The following RGS7BP variants were observed in gnomAD, a reference collection of about 807,000 sequenced individuals.
RGS7BP encodes the protein regulator of G protein signaling 7 binding protein, also known as regulator of G protein signaling 7-binding protein.
Under a neutral mutation model 31.3 loss-of-function variants are expected in RGS7BP, and 9 were observed. The observed-to-expected ratio is 0.29, with a 90% CI of 0.17 to 0.50. The LOEUF (loss-of-function observed/expected upper bound fraction) is 0.50, where lower values mean the gene tolerates loss of function less well. RGS7BP is among the 20% of genes least tolerant of loss of function. RGS7BP has a pLI of 0.98. For missense variants in RGS7BP, 274 were observed against 322.0 expected (o/e 0.85, Z 1.14); for synonymous variants, 115 against 120.1 (o/e 0.96, Z 0.28).
At chr5:64,550,826 CG>C (rs1741776961) in intron 2 of RGS7BP, among the ~76,000 whole-genome samples, 1 of 147,976 alleles carries the variant, frequency 6.8e-6, no homozygotes, top group African/African-American at 2.5e-5. Context: ...TGAGAACATG[CG>C]GTGTTTGGTT....
At chr5:64,608,239 C>T (rs1219827774) in intron 5 of RGS7BP, among the ~76,000 whole-genome samples, 1 of 152,020 alleles carries the variant, frequency 6.6e-6, no homozygotes, top group African/African-American at 2.4e-5. Flanking sequence ...CTCTGGGACC[C>T]ACATTGACAA....
chr5:64,537,840 T>G (rs985933846), intron 2 of RGS7BP, among the ~76,000 whole-genome samples: 4 of 152,192 alleles, frequency 2.6e-5, no homozygotes, highest in African/African-American at 9.6e-5. Flanking sequence ...ATTATGCTAT[T>G]CAAAGCCTGA....
intron 2 of RGS7BP, among the ~76,000 whole-genome samples, chr5:64,571,173 A>G (rs1201808639): frequency 1.3e-5 from 2 of 152,094 alleles, no homozygotes; most frequent in Admixed American, 1.3e-4. Context: ...GAAATCATAC[A>G]GTATTTATTC....
intron 2 of RGS7BP, among the ~76,000 whole-genome samples, chr5:64,560,200 T>G (rs1742019791): frequency 6.6e-6 from 1 of 152,186 alleles, no homozygotes; most frequent in Non-Finnish European, 1.5e-5. Context: ...CAATTTTGTT[T>G]TAATGTGTTT....
chr5:64,603,033 A>G (rs1475134037), intron 5 of RGS7BP, among the ~76,000 whole-genome samples: 2 of 152,188 alleles, frequency 1.3e-5, no homozygotes, highest in Non-Finnish European at 2.9e-5. Flanking sequence ...GAAAGTCTCT[A>G]GACAAAAGGC....
intron 2 of RGS7BP, among the ~76,000 whole-genome samples, chr5:64,536,695 G>A (rs913931456): frequency 6.6e-6 from 1 of 152,184 alleles, no homozygotes; most frequent in Non-Finnish European, 1.5e-5. Flanking sequence ...ATTGACTAAT[G>A]CCTTGTTTAG....
chr5:64,573,032 T>C (rs990843533), intron 2 of RGS7BP, among the ~76,000 whole-genome samples: 7 of 137,984 alleles, frequency 5.1e-5, no homozygotes, highest in African/African-American at 1.9e-4. Flanking sequence ...TGTTTTCTCA[T>C]TGTTCAATTC....
chr5:64,532,931 C>A (rs1373801373), intron 2 of RGS7BP, among the ~76,000 whole-genome samples: 1 of 152,154 alleles, frequency 6.6e-6, no homozygotes, highest in Non-Finnish European at 1.5e-5. Flanking sequence ...GCCTCTGGCC[C>A]ACTTACCTCA....
intron 2 of RGS7BP, among the ~76,000 whole-genome samples, chr5:64,514,846 TA>T (rs1377638323): frequency 3.3e-5 from 5 of 152,304 alleles, no homozygotes; most frequent in African/African-American, 1.2e-4. Flanking sequence ...CACACCAGAT[TA>T]AAGAAGAGTG....
chr5:64,589,647 T>C (rs1031454233), intron 3 of RGS7BP, among the ~76,000 whole-genome samples: 2 of 151,844 alleles, frequency 1.3e-5, no homozygotes, highest in African/African-American at 4.8e-5. Context: ...TAAAGTAACA[T>C]GACAGGCCAT....
chr5:64,516,713 A>G (rs1292712731), intron 2 of RGS7BP, among the ~76,000 whole-genome samples: 1 of 152,220 alleles, frequency 6.6e-6, no homozygotes, highest in Non-Finnish European at 1.5e-5. Context: ...ATTTTTAACA[A>G]GCACCACTGC....
At chr5:64,579,543 C>CAAAAAAA (rs34003776) in intron 3 of RGS7BP, among the ~76,000 whole-genome samples, 14 of 53,304 alleles carry the variant, frequency 2.6e-4, no homozygotes, top group African/African-American at 5.9e-4. Flanking sequence ...GACTCCATCT[C>CAAAAAAA]AAAAAAAAAA....
At chr5:64,533,776 C>G (rs1445299635) in intron 2 of RGS7BP, among the ~76,000 whole-genome samples, 2 of 152,226 alleles carry the variant, frequency 1.3e-5, no homozygotes, top group Admixed American at 6.5e-5. Context: ...GTTATGCCAA[C>G]CTTCTCCCTC....
In RGS7BP at chr5:64,506,834, G is replaced by T. The variant is rs754466401; in HGVS notation, c.165+45G>T. The T allele has an allele frequency of 6.6e-6, 10 of 1,515,748 alleles. No homozygotes were observed. The highest frequency in any genetic ancestry group is 1.3e-5 in the South Asian group (1 of 79,620). The allele number at this position is 1,515,748 out of a possible 1,614,324, so 93.9% of individuals were successfully genotyped here. ...CTTTTTTTTTTTTTTTAATTGAGAG[G>T]GGGTGGGGGGAGTCATGTATGTTAA... is the stretch of plus-strand genomic sequence containing the variant. On this transcript the variant is annotated intron_variant, in intron 1 of 5. Transcript: ENST00000334025. This position sits in a 1 kb window ranked among gnomAD's most constrained non-coding sequence, Gnocchi z 4.6.
At chr5:64,593,839 C>T (rs1194725685) in intron 3 of RGS7BP, among the ~76,000 whole-genome samples, 1 of 152,054 alleles carries the variant, frequency 6.6e-6, no homozygotes, top group Non-Finnish European at 1.5e-5. Flanking sequence ...AGTTCTCGGG[C>T]CTACTTGACC....
At chr5:64,520,802 G>A (rs1749089461) in intron 2 of RGS7BP, among the ~76,000 whole-genome samples, 1 of 152,198 alleles carries the variant, frequency 6.6e-6, no homozygotes, top group Non-Finnish European at 1.5e-5. Context: ...GTGAGGGTGG[G>A]GAATGGTAGG....
At chr5:64,571,044 C>G (rs997249352) in intron 2 of RGS7BP, among the ~76,000 whole-genome samples, 2 of 152,110 alleles carry the variant, frequency 1.3e-5, no homozygotes, top group East Asian at 3.9e-4. Context: ...AAACCTCCAT[C>G]TAGATATAGA....
At chr5:64,599,226 G>A (rs561093176) in intron 5 of RGS7BP, among the ~76,000 whole-genome samples, 47 of 152,330 alleles carry the variant, frequency 3.1e-4, no homozygotes, top group Middle Eastern at 3.4e-3. Context: ...CCAATAATAA[G>A]TGCTTACATT....
At chr5:64,608,568 A>C (rs1199630313) in intron 5 of RGS7BP, among the ~76,000 whole-genome samples, 1 of 152,084 alleles carries the variant, frequency 6.6e-6, no homozygotes, top group Non-Finnish European at 1.5e-5. Flanking sequence ...AGCTATTTTA[A>C]CTAAACGCTT....
Sources: allele counts gnomAD v4.1 joint callset (sites outside exome capture counted in the v4.1 genomes callset), GRCh38; gene constraint gnomAD v4.1.1; non-coding constraint Gnocchi (gnomAD v3.1); transcripts MANE v1.5; gene names NCBI Gene and HGNC (gene_info 2026-07-23, HGNC 2026-07-21).